The following FHIT variants were observed in gnomAD, a reference collection of about 807,000 sequenced individuals.
FHIT encodes the protein fragile histidine triad diadenosine triphosphatase, also known as bis(5'-adenosyl)-triphosphatase.
A neutral mutation model predicts 17.9 loss-of-function variants in FHIT; 19 were observed. That is an observed-to-expected ratio of 1.06 (90% confidence interval 0.74 to 1.56). The LOEUF is 1.56. Among genes scored for constraint, FHIT ranks in the 40% most tolerant of loss-of-function variants. The pLI is 0.00. For synonymous variants in FHIT, 81 were observed against 69.7 expected, an observed-to-expected ratio of 1.16 and a Z score of -0.81; for missense variants, 248 against 189.2, an observed-to-expected ratio of 1.31 and a Z score of -1.82.
chr3:60,612,869 A>C (rs1466584742), intron 4 of FHIT, among the ~76,000 whole-genome samples: 3 of 152,190 alleles, frequency 2.0e-5, no homozygotes, highest in African/African-American at 7.2e-5. Flanking sequence ...ACAGCCTTCA[A>C]ATGGCTCTCA....
At chr3:60,181,193 T>A (rs1045221426) in intron 5 of FHIT, among the ~76,000 whole-genome samples, 2 of 148,056 alleles carry the variant, frequency 1.4e-5, no homozygotes, top group African/African-American at 5.1e-5. Flanking sequence ...GTCACCAGGC[T>A]GGAGTGCAGT....
chr3:60,277,414 G>A (rs1385494192), intron 5 of FHIT, among the ~76,000 whole-genome samples: 1 of 152,150 alleles, frequency 6.6e-6, no homozygotes, highest in African/African-American at 2.4e-5. Context: ...AGCTTGCAAT[G>A]GATGAATGCC....
intron 8 of FHIT, among the ~76,000 whole-genome samples, chr3:59,915,573 C>G (rs893732848): frequency 6.6e-6 from 1 of 152,180 alleles, no homozygotes; most frequent in South Asian, 2.1e-4. Flanking sequence ...ACTTCATGAT[C>G]TTCCTTGGAG....
intron 5 of FHIT, among the ~76,000 whole-genome samples, chr3:60,041,658 T>A (rs1213714664): frequency 6.6e-6 from 1 of 152,192 alleles, no homozygotes; most frequent in Non-Finnish European, 1.5e-5. Flanking sequence ...AGAAGAAATG[T>A]TCACAAAGCT....
intron 1 of FHIT, among the ~76,000 whole-genome samples, chr3:61,201,618 G>T (rs2039015587): frequency 6.6e-6 from 1 of 151,850 alleles, no homozygotes; most frequent in African/African-American, 2.4e-5. Flanking sequence ...TTCCATCAAA[G>T]AATGCATTAC....
chr3:59,918,800 C>G (rs1305924367), intron 8 of FHIT, among the ~76,000 whole-genome samples: 3 of 152,114 alleles, frequency 2.0e-5, no homozygotes, highest in African/African-American at 7.2e-5. Flanking sequence ...TAACAGCATT[C>G]AAACTCATTA....
At chr3:60,165,437 T>C (rs1701129739) in intron 5 of FHIT, among the ~76,000 whole-genome samples, 1 of 152,200 alleles carries the variant, frequency 6.6e-6, no homozygotes, top group African/African-American at 2.4e-5. Context: ...CACTAATGCA[T>C]GTGGGAGATA....
chr3:60,284,119 A>T lies in FHIT; in HGVS notation c.103+252741T>A, dbSNP rs146545937. ...AAATATTCAATAAGAAGGAAGAAGA[A>T]CAGTATATATTACACTATTTGTCTG... On this transcript the variant is annotated intron_variant, in intron 5 of 9. Transcript: ENST00000492590. 6.6e-3 allele frequency among the ~76,000 whole-genome samples: 1,008 copies of T among 152,186 alleles called. 8 individuals are homozygous for T. The highest frequency in any genetic ancestry group is 0.023 in the African/African-American group (962 of 41,570).
chr3:61,092,675 G>C (rs2035522696), intron 2 of FHIT, among the ~76,000 whole-genome samples: 1 of 152,070 alleles, frequency 6.6e-6, no homozygotes. Flanking sequence ...ATGATTTAGA[G>C]AAATAGTTTG....
At chr3:60,415,219 A>C (rs904258537) in intron 5 of FHIT, among the ~76,000 whole-genome samples, 5 of 152,204 alleles carry the variant, frequency 3.3e-5, no homozygotes. Context: ...TGTGCCAGGT[A>C]CTGCTGGGCA....
chr3:61,239,987 G>A (rs2106915578), intron 1 of FHIT, among the ~76,000 whole-genome samples: 1 of 152,086 alleles, frequency 6.6e-6, no homozygotes, highest in South Asian at 2.1e-4. Context: ...CAACCCACAG[G>A]AGTTGGACCC....
At chr3:59,811,946 CCCCCTTGGCAGCTCATCCTA>C (rs1472942661) in intron 8 of FHIT, among the ~76,000 whole-genome samples, 1 of 152,160 alleles carries the variant, frequency 6.6e-6, no homozygotes, top group East Asian at 1.9e-4. Context: ...AAGCCTTGTG[CCCCCTTGGCAGCTCATCCTA>C]CCCCGTGGCA....
At chr3:60,202,864 G>A (rs930743790) in intron 5 of FHIT, among the ~76,000 whole-genome samples, 1 of 152,110 alleles carries the variant, frequency 6.6e-6, no homozygotes, top group African/African-American at 2.4e-5. Context: ...GTTATAGGCA[G>A]AATGGCACTC....
intron 4 of FHIT, among the ~76,000 whole-genome samples, chr3:60,541,719 A>T (rs1304052295): frequency 6.6e-6 from 1 of 152,218 alleles, no homozygotes; most frequent in African/African-American, 2.4e-5. Flanking sequence ...CCTAAAAAAG[A>T]GCTGGCTTGA....
chr3:60,461,873 G>T (rs1477894130), intron 5 of FHIT, among the ~76,000 whole-genome samples: 1 of 152,124 alleles, frequency 6.6e-6, no homozygotes, highest in African/African-American at 2.4e-5. Context: ...TTCCAAATAA[G>T]ATTGAAATTG....
chr3:60,326,502 G>A (rs559582673), intron 5 of FHIT, among the ~76,000 whole-genome samples: 6 of 152,204 alleles, frequency 3.9e-5, no homozygotes, highest in African/African-American at 7.2e-5. Context: ...ATGGGGGAGC[G>A]GCTGTAAAGA....
intron 7 of FHIT, among the ~76,000 whole-genome samples, chr3:59,979,966 A>G (rs1708581331): frequency 2.0e-5 from 3 of 152,190 alleles, no homozygotes. Flanking sequence ...ACACTGTTCG[A>G]CAGAGAAGAC....
chr3:60,441,234 C>T (rs1056488518), intron 5 of FHIT, among the ~76,000 whole-genome samples: 2 of 152,068 alleles, frequency 1.3e-5, no homozygotes, highest in East Asian at 3.9e-4. Context: ...TGAGCTATAC[C>T]TTTGCCCTCT....
chr3:59,872,348 G>A (rs1702961829), intron 8 of FHIT, among the ~76,000 whole-genome samples: 1 of 152,176 alleles, frequency 6.6e-6, no homozygotes, highest in African/African-American at 2.4e-5. Flanking sequence ...CATGAGGAGG[G>A]CGATGAGGCT....
Sources: allele counts gnomAD v4.1 joint callset (sites outside exome capture counted in the v4.1 genomes callset), GRCh38; gene constraint gnomAD v4.1.1; transcripts MANE v1.5; gene names NCBI Gene and HGNC (gene_info 2026-07-23, HGNC 2026-07-21).